Variants in TRIM36 observed in about 807,000 individuals in gnomAD.
TRIM36 encodes E3 ubiquitin-protein ligase TRIM36.
Under a neutral mutation model 72.4 loss-of-function variants are expected in TRIM36, and 42 were observed. The observed-to-expected ratio is 0.58, with a 90% CI of 0.45 to 0.75. The LOEUF is 0.75. TRIM36 is among the 30% of genes least tolerant of loss of function. TRIM36 has a pLI of 0.00. For missense variants in TRIM36, 913 were observed against 857.1 expected, an observed-to-expected ratio of 1.07 and a Z score of -0.81; for synonymous variants, 315 against 282.8, an observed-to-expected ratio of 1.11 and a Z score of -1.14.
intron 2 of TRIM36, among the ~76,000 whole-genome samples, chr5:115,156,055 T>C (rs1438175616): frequency 6.6e-6 from 1 of 151,760 alleles, no homozygotes; most frequent in East Asian, 1.9e-4. Context: ...ACTTTTACAA[T>C]AGCTGCAAAA....
chr5:115,148,288 T>G (rs770171788), intron 2 of TRIM36: 4 of 956,032 alleles, frequency 4.2e-6, no homozygotes, highest in Non-Finnish European at 3.7e-6. Flanking sequence ...TTGTTCAGTA[T>G]TATCCCAATT....
At chr5:115,129,197 C>T (rs530929722) in intron 9 of TRIM36, among the ~76,000 whole-genome samples, 3 of 152,136 alleles carry the variant, frequency 2.0e-5, no homozygotes, top group East Asian at 1.9e-4. Context: ...ATGATGTTCT[C>T]GCAACAATGA....
chr5:115,148,205 A>C (rs1024220378), intron 2 of TRIM36: 12 of 452,496 alleles, frequency 2.7e-5, no homozygotes, highest in African/African-American at 2.2e-4. Flanking sequence ...AGTAAGCCAA[A>C]AGTTACCCCA....
intron 1 of TRIM36, among the ~76,000 whole-genome samples, chr5:115,167,952 G>A (rs10040143): frequency 0.39 from 58,843 of 152,046 alleles, 12,123 homozygotes; most frequent in African/African-American, 0.53. Context: ...AATATGGCAG[G>A]AAGGGAAGCA....
At position 115,169,685 on chromosome 5, in the gene TRIM36, A is replaced by G. The variant is rs987815880; in HGVS notation, c.-51T>C. On this transcript the variant is annotated 5_prime_UTR_variant, in exon 1 of 10. Transcript: ENST00000513154. ...GCGGCACGTTCCACTCACACCGGCTACCGAGCGCAGGGTCTGGTGGGCGGG... is the reference window on the plus strand; with the variant it reads ...GCGGCACGTTCCACTCACACCGGCTGCCGAGCGCAGGGTCTGGTGGGCGGG... 23 of 1,512,656 alleles carry G rather than the reference A, an allele frequency of 1.5e-5. No homozygotes were observed. In the Admixed American group the frequency reaches 4.8e-4, roughly 32 times the overall value. 93.7% of individuals were successfully genotyped at this position (1,512,656 alleles called of 1,614,324 possible). A position where few individuals can be genotyped will look rare whatever the true frequency, so the allele number is the denominator to read the frequency against.
chr5:115,129,245 T>TA (rs1234778079), intron 9 of TRIM36, among the ~76,000 whole-genome samples: 1 of 152,204 alleles, frequency 6.6e-6, no homozygotes, highest in Admixed American at 6.5e-5. Flanking sequence ...CATATTCCTG[T>TA]TGCTAAGCTA....
At chr5:115,136,146 G>C (rs1752954064) in intron 7 of TRIM36, among the ~76,000 whole-genome samples, 1 of 145,230 alleles carries the variant, frequency 6.9e-6, no homozygotes, top group South Asian at 2.3e-4. Flanking sequence ...TTCACATGTT[G>C]AAGTCCTAAC....
At chr5:115,139,109 G>A (rs953291870) in intron 5 of TRIM36, among the ~76,000 whole-genome samples, 3 of 145,998 alleles carry the variant, frequency 2.1e-5, no homozygotes, top group African/African-American at 7.7e-5. Context: ...GTGAGCCACT[G>A]CACCCAGCTT....
chr5:115,134,801 A>C (rs1580645936), intron 7 of TRIM36, among the ~76,000 whole-genome samples: 1 of 152,276 alleles, frequency 6.6e-6, no homozygotes. Context: ...TGGTCTCCCA[A>C]AGTGCTGGGA....
At chr5:115,158,497 T>G (rs1351733422) in intron 2 of TRIM36, among the ~76,000 whole-genome samples, 1 of 152,192 alleles carries the variant, frequency 6.6e-6, no homozygotes, top group Non-Finnish European at 1.5e-5. Flanking sequence ...GCCGGTTGCA[T>G]CCTCTCCCGT....
chr5:115,131,446 T>C (rs1408860661), intron 8 of TRIM36, among the ~76,000 whole-genome samples: 2 of 152,198 alleles, frequency 1.3e-5, no homozygotes, highest in Admixed American at 1.3e-4. Flanking sequence ...AGCATTCAAC[T>C]AGAGTTTCAT....
chr5:115,152,231 A>G (rs926314456), intron 2 of TRIM36, among the ~76,000 whole-genome samples: 1 of 152,218 alleles, frequency 6.6e-6, no homozygotes, highest in Non-Finnish European at 1.5e-5. Flanking sequence ...AATGCTCTGG[A>G]AAGTCTTAGT....
In TRIM36 at chr5:115,137,183, T is replaced by C. The variant is rs1263845219; in HGVS notation, c.1086-59A>G. On this transcript the variant is annotated intron_variant, in intron 6 of 9. Coordinates refer to ENST00000513154, the MANE Select transcript of TRIM36 (RefSeq NM_001300759.2). ...TTAAGAAGTCAAATCAGACTAAATA[T>C]CTGCAACATGATTAACAAAATAAAA... 7 of 1,514,034 alleles carry C rather than the reference T, an allele frequency of 4.6e-6. No homozygotes were observed. In the South Asian group the frequency reaches 6.5e-5, roughly 14 times the overall value. 93.8% of individuals were successfully genotyped at this position (1,514,034 alleles called of 1,614,324 possible). A position where few individuals can be genotyped will look rare whatever the true frequency, so the allele number is the denominator to read the frequency against.
chr5:115,162,217 G>A (rs550451204), intron 2 of TRIM36, among the ~76,000 whole-genome samples: 1 of 152,232 alleles, frequency 6.6e-6, no homozygotes, highest in East Asian at 1.9e-4. Context: ...CCCCTCTCAG[G>A]ACATAATCTA....
At chr5:115,138,345 C>T (rs182748694) in intron 5 of TRIM36, among the ~76,000 whole-genome samples, 4 of 152,024 alleles carry the variant, frequency 2.6e-5, no homozygotes, top group East Asian at 1.9e-4. Flanking sequence ...ATGATCAACC[C>T]GCCTCGGCCT....
rs1172482326 is a variant in TRIM36, at chr5:115,124,975, T to C, written c.*1528A>G. On this transcript the variant is annotated 3_prime_UTR_variant, in exon 10 of 10. Coordinates refer to ENST00000513154, the MANE Select transcript of TRIM36 (RefSeq NM_001300759.2). ...ATCCACATAACGCTGCATTATTTGC[T>C]TAGTTTAGCCTACATCATAAAGTGC... 1.3e-5 allele frequency: 2 copies of C among 152,524 alleles called. No homozygotes were observed. The highest frequency in any genetic ancestry group is 4.8e-5 in the African/African-American group (2 of 41,454). 9.4% of individuals were successfully genotyped at this position (152,524 alleles called of 1,614,324 possible). A position where few individuals can be genotyped will look rare whatever the true frequency, so the allele number is the denominator to read the frequency against.
In TRIM36 at chr5:115,141,072, A is replaced by G. The variant is rs370878766; in HGVS notation, c.831+207T>C. On this transcript the variant is annotated intron_variant, in intron 5 of 9. Transcript: ENST00000513154. ...TCCCTCTGTGTTCCAATATCATTTA[A>G]TCACTAGCTCTACCACAGAAGTGAC... is the stretch of plus-strand genomic sequence containing the variant. Among the ~76,000 whole-genome samples the G allele has an allele frequency of 5.6e-4, 85 of 152,300 alleles. 2 individuals carry two copies. The South Asian group carries it at 0.017, about 31-fold the overall frequency.
chr5:115,137,406 C>A lies in TRIM36; in HGVS notation c.1042G>T (p.Asp348Tyr). The part of the protein sequence containing the change: ...GYAQEVLKET[D>Y]QSCFVQTAKQ... ...GCTGTCTGCACAAAGCAAGACTGAT[C>A]TGTCTCCTTTAGCACTTCTTGAGCA... Residue 348 changes from aspartate to tyrosine, a missense_variant, in exon 6 of 10, where the codon GAT (aspartate) becomes TAT (tyrosine). Physicochemically the swap from Asp to Tyr is radical, Grantham distance 160. Transcript: ENST00000513154. The A allele has an allele frequency of 2.5e-6, 4 of 1,614,008 alleles. No individual in the cohort carries two copies. The highest frequency in any genetic ancestry group is 3.4e-6 in the Non-Finnish European group (4 of 1,179,966).
At chr5:115,166,485 G>T (rs1754782698) in intron 1 of TRIM36, among the ~76,000 whole-genome samples, 1 of 152,176 alleles carries the variant, frequency 6.6e-6, no homozygotes, top group Non-Finnish European at 1.5e-5. Context: ...GGAACTGCCT[G>T]CAGAAAGCAG....
Sources: gnomAD v4.1 joint callset for allele counts (sites outside exome capture counted in the v4.1 genomes callset) on GRCh38, gnomAD v4.1.1 for gene constraint, MANE v1.5 for transcripts, NCBI Gene and HGNC (gene_info 2026-07-23, HGNC 2026-07-21) for gene names.